CCDC192: variants seen among roughly 807,000 people sequenced by gnomAD.
CCDC192 encodes the protein coiled-coil domain-containing protein 192.
In CCDC192 at chr5:127,720,043, G is replaced by A. The variant is rs186810469; in HGVS notation, c.114+12283G>A. ...TCACCCTCACCCTCCCAAATCGCAC[G>A]TCCTTCTCACATTGCAAAATACAAT... On this transcript the variant is annotated intron_variant, in intron 2 of 6. Coordinates refer to ENST00000514853, the MANE Select transcript of CCDC192 (RefSeq NM_001317938.2). 4.3e-4 allele frequency among the ~76,000 whole-genome samples: 65 copies of A among 152,036 alleles called. 1 individual carries two copies. The highest frequency in any genetic ancestry group is 3.5e-3 in the Admixed American group (53 of 15,266).
intron 3 of CCDC192, among the ~76,000 whole-genome samples, chr5:127,791,322 A>G (rs771786514): frequency 6.6e-6 from 1 of 152,266 alleles, no homozygotes; most frequent in Non-Finnish European, 1.5e-5. Context: ...AACTATATCT[A>G]TTGTACCATA....
chr5:127,888,918 A>G (rs1377777928), intron 6 of CCDC192, among the ~76,000 whole-genome samples: 11 of 152,210 alleles, frequency 7.2e-5, no homozygotes, highest in Admixed American at 1.3e-4. Flanking sequence ...CCCAAGAGAG[A>G]GTCAATAATT....
intron 6 of CCDC192, among the ~76,000 whole-genome samples, chr5:127,912,166 A>G (rs1753383552): frequency 6.6e-6 from 1 of 150,648 alleles, no homozygotes; most frequent in East Asian, 1.9e-4. Context: ...TCCTGACCTC[A>G]TGATCCACCC....
intron 2 of CCDC192, among the ~76,000 whole-genome samples, chr5:127,734,190 T>C (rs893484857): frequency 1.3e-5 from 2 of 150,774 alleles, no homozygotes; most frequent in African/African-American, 2.4e-5. Flanking sequence ...GGTTTTTTGT[T>C]CTTGCGATAG....
In CCDC192 at chr5:127,935,927, A is replaced by T. The variant is rs148597276; in HGVS notation, c.536-5255A>T. Among the ~76,000 whole-genome samples the T allele has an allele frequency of 6.1e-3, 923 of 152,204 alleles. 30 individuals carry two copies. The East Asian group carries it at 0.11, about 19-fold the overall frequency. Reference sequence around the variant, plus strand: ...CGAGACCACCCTGGTCAACATGGAGAAATCCCGTCTCTACTAAAAATACAA... The same window carrying T: ...CGAGACCACCCTGGTCAACATGGAGTAATCCCGTCTCTACTAAAAATACAA... On this transcript the variant is annotated intron_variant, in intron 6 of 6. Transcript: ENST00000514853.
intron 6 of CCDC192, among the ~76,000 whole-genome samples, chr5:127,893,285 A>C (rs564000934): frequency 2.7e-4 from 41 of 152,330 alleles, no homozygotes; most frequent in Admixed American, 1.6e-3. Flanking sequence ...CAAGTCCCTT[A>C]CTATCTCTGA....
At chr5:127,892,094 G>T (rs533685060) in intron 6 of CCDC192, among the ~76,000 whole-genome samples, 4 of 151,992 alleles carry the variant, frequency 2.6e-5, no homozygotes, top group Non-Finnish European at 5.9e-5. Context: ...AAGATGTTGC[G>T]CAAATTACTA....
chr5:127,919,540 C>T (rs1347522196), intron 6 of CCDC192, among the ~76,000 whole-genome samples: 2 of 152,188 alleles, frequency 1.3e-5, no homozygotes. Context: ...ATGGTAGAGT[C>T]ACTCTCTTGT....
chr5:127,707,019 G>A (rs1751006103), intron 1 of CCDC192, among the ~76,000 whole-genome samples: 1 of 152,184 alleles, frequency 6.6e-6, no homozygotes, highest in Non-Finnish European at 1.5e-5. Flanking sequence ...AGCTGTTAAG[G>A]TGAGTTGTGT....
At chr5:127,929,812 AT>A (rs2127200929) in intron 6 of CCDC192, among the ~76,000 whole-genome samples, 1 of 152,354 alleles carries the variant, frequency 6.6e-6, no homozygotes, top group Admixed American at 6.5e-5. Flanking sequence ...GGCATTCCTT[AT>A]TTCATAAGGA....
chr5:127,729,919 T>C (rs1156576754), intron 2 of CCDC192, among the ~76,000 whole-genome samples: 1 of 151,584 alleles, frequency 6.6e-6, no homozygotes, highest in East Asian at 1.9e-4. Context: ...CAAAAAAGAT[T>C]AGAAAGATCT....
intron 3 of CCDC192, among the ~76,000 whole-genome samples, chr5:127,773,705 T>C (rs552515287): frequency 6.6e-6 from 1 of 152,350 alleles, no homozygotes; most frequent in African/African-American, 2.4e-5. Flanking sequence ...TTTCCAACTT[T>C]TAGCTATTAT....
chr5:127,935,349 TG>T, intron 6 of CCDC192: 1 of 152,214 alleles, frequency 6.6e-6, no homozygotes, highest in Non-Finnish European at 1.5e-5. Flanking sequence ...TAGAGGTAGT[TG>T]GGTCAGAAAT....
chr5:127,863,395 A>T (rs1751456371), intron 5 of CCDC192, among the ~76,000 whole-genome samples: 1 of 152,244 alleles, frequency 6.6e-6, no homozygotes, highest in South Asian at 2.1e-4. Context: ...GTTAGAGAAG[A>T]TGCCTTGCTG....
chr5:127,867,741 C>T (rs189282120), intron 5 of CCDC192, among the ~76,000 whole-genome samples: 3 of 152,324 alleles, frequency 2.0e-5, no homozygotes, highest in East Asian at 1.9e-4. Context: ...TTTCACATGA[C>T]CTGCTTGAGC....
intron 2 of CCDC192, among the ~76,000 whole-genome samples, chr5:127,732,146 T>C (rs1244713516): frequency 7.7e-6 from 1 of 129,310 alleles, no homozygotes; most frequent in East Asian, 2.3e-4. Context: ...CTTAAAGAAA[T>C]GTACAAGAAA....
chr5:127,909,313 A>G (rs564150346), intron 6 of CCDC192, among the ~76,000 whole-genome samples: 189 of 152,216 alleles, frequency 1.2e-3, no homozygotes, highest in African/African-American at 4.5e-3. Context: ...TTCTGTTTCC[A>G]AACTGCAAGG....
At chr5:127,788,364 A>T (rs1756681336) in intron 3 of CCDC192, among the ~76,000 whole-genome samples, 1 of 152,168 alleles carries the variant, frequency 6.6e-6, no homozygotes, top group African/African-American at 2.4e-5. Flanking sequence ...TACAATTCAC[A>T]TGCAACATCT....
At chr5:127,740,487 G>T (rs1000445268) in intron 2 of CCDC192, among the ~76,000 whole-genome samples, 3 of 152,188 alleles carry the variant, frequency 2.0e-5, no homozygotes, top group Admixed American at 2.0e-4. Context: ...GGTAATAAAA[G>T]GGTTTCTCAT....
Sources: gnomAD v4.1 joint callset for allele counts (sites outside exome capture counted in the v4.1 genomes callset) on GRCh38, gnomAD v4.1.1 for gene constraint, MANE v1.5 for transcripts, NCBI Gene and HGNC (gene_info 2026-07-23, HGNC 2026-07-21) for gene names.